CTSO: variants seen among roughly 807,000 people sequenced by gnomAD.
CTSO encodes the protein cathepsin O.
In CTSO, 40 loss-of-function variants were observed where a neutral mutation model predicts 42.4. That is an observed-to-expected ratio of 0.94 (90% CI 0.73 to 1.23). The LOEUF is 1.23. CTSO is among the 50% of genes most tolerant of loss of function. The pLI is 0.00. For missense variants in CTSO, 441 were observed against 396.0 expected (o/e 1.11, Z -0.96); for synonymous variants, 156 against 146.2 (o/e 1.07, Z -0.48).
At position 155,953,743 on chromosome 4, in the gene CTSO, C is replaced by A. The variant is rs1320188501; in HGVS notation, c.105G>T (p.Arg35=). 6 of 1,279,450 alleles carry A rather than the reference C, an allele frequency of 4.7e-6. No homozygotes were observed. The highest frequency in any genetic ancestry group is 4.0e-5 in the Admixed American group (1 of 24,824). 79.3% of individuals were successfully genotyped at this position (1,279,450 alleles called of 1,614,324 possible). Residue 35 remains arginine (R), a synonymous_variant, in exon 1 of 8, where the codon CGG becomes CGT. Transcript: ENST00000433477. ...SRAPFTPTWP[R]SREREAAAFR... ...AGGCGGCGGCTTCACGCTCGCGGCTCCGCGGCCAGGTCGGGGTGAAGGGGG... is the reference window on the plus strand; with the variant it reads ...AGGCGGCGGCTTCACGCTCGCGGCTACGCGGCCAGGTCGGGGTGAAGGGGG...
At chr4:155,943,509 C>T (rs1231234849) in intron 1 of CTSO, among the ~76,000 whole-genome samples, 1 of 152,126 alleles carries the variant, frequency 6.6e-6, no homozygotes, top group Non-Finnish European at 1.5e-5. Flanking sequence ...AATTCCCCAT[C>T]ACCAGGTTTG....
intron 3 of CTSO, 129 bp downstream of exon 3, chr4:155,942,188 C>T (rs932859481): frequency 3.0e-5 from 21 of 711,328 alleles, no homozygotes; most frequent in Non-Finnish European, 4.1e-5. Flanking sequence ...TTTTCATTGT[C>T]ATTTTTGGAT....
At chr4:155,936,412 G>T (rs1743332572) in intron 5 of CTSO, among the ~76,000 whole-genome samples, 1 of 152,154 alleles carries the variant, frequency 6.6e-6, no homozygotes, top group South Asian at 2.1e-4. Flanking sequence ...GATACCATCT[G>T]GATCAAGGGA....
chr4:155,953,198 T>C (rs145602324), intron 1 of CTSO, among the ~76,000 whole-genome samples: 1 of 152,064 alleles, frequency 6.6e-6, no homozygotes, highest in Non-Finnish European at 1.5e-5. Context: ...AGGAGAATCA[T>C]AAACCATCAG....
intron 1 of CTSO, among the ~76,000 whole-genome samples, chr4:155,944,316 C>T (rs1268282073): frequency 6.6e-6 from 1 of 152,044 alleles, no homozygotes; most frequent in East Asian, 1.9e-4. Flanking sequence ...AGGAAGATTG[C>T]TAATCAACAA....
rs552325287 is a variant in CTSO at position 155,947,958 on chromosome 4, T to C, written c.136-4694A>G. Among the ~76,000 whole-genome samples the C allele has an allele frequency of 5.3e-5, 8 of 152,338 alleles. No individual in the cohort carries two copies. In the South Asian group the frequency reaches 1.7e-3, roughly 32 times the overall value. On this transcript the variant is annotated intron_variant, in intron 1 of 7. Transcript: ENST00000433477. ...CATAGGAAACTTCTCATTGATACTT[T>C]TGAAAAGTGCAGATGTTTAAAAATT...
intron 1 of CTSO, among the ~76,000 whole-genome samples, chr4:155,945,470 A>G (rs1010237671): frequency 6.6e-6 from 1 of 152,218 alleles, no homozygotes; most frequent in African/African-American, 2.4e-5. Flanking sequence ...GAAAGGAGAA[A>G]TAGAAAACTT....
rs1364564669 is a variant in CTSO at position 155,942,369 on chromosome 4, C to A, written c.332G>T (p.Arg111Ile). 4 of 1,602,568 alleles carry A rather than the reference C, an allele frequency of 2.5e-6. No homozygotes were observed. The highest frequency in any genetic ancestry group is 1.7e-4 in the Middle Eastern group (1 of 6,028). ...AACCTGCTTGTCCCTCCAGTCAAATCTTAACGGCAAAGACACATTGGGGAT... is the reference window on the plus strand; with the variant it reads ...AACCTGCTTGTCCCTCCAGTCAAATATTAACGGCAAAGACACATTGGGGAT... ...MSIPNVSLPLRFDWRDKQVVT... is the reference protein window; with the variant it reads ...MSIPNVSLPLIFDWRDKQVVT... The change falls in exon 3 of 8, where the codon AGA becomes ATA. Residue 111 changes from arginine (R) to isoleucine (I), a missense_variant. Transcript: ENST00000433477.
At chr4:155,953,437 A>G (rs1743712731) in intron 1 of CTSO, among the ~76,000 whole-genome samples, 1 of 152,300 alleles carries the variant, frequency 6.6e-6, no homozygotes, top group African/African-American at 2.4e-5. Context: ...GTATCTATGG[A>G]TTTATTTGGG....
In CTSO at chr4:155,953,796, G is replaced by C. The variant is rs1011294433; in HGVS notation, c.52C>G (p.Arg18Gly). 2.2e-6 allele frequency: 3 copies of C among 1,351,112 alleles called. No homozygotes were observed. Among genetic ancestry groups the C allele is most frequent in the African/African-American group, 1.5e-5 (1 of 66,446 alleles). 83.7% of individuals were successfully genotyped at this position (1,351,112 alleles called of 1,614,324 possible). The change falls in exon 1 of 8, where the codon CGG (arginine) becomes GGG (glycine). Residue 18 changes from arginine (R) to glycine (G), a missense_variant. By Grantham distance (125) the Arg-to-Gly change is moderately radical. Coordinates refer to ENST00000433477, the MANE Select transcript of CTSO (RefSeq NM_001334.3). ...CGGGAGTCCGCATCGCCGCCGCCCC[G>C]GCACAGCAGCCACAGCAGCCACGGC... The part of the protein sequence containing the change: ...WLPWLLWLLC[R>G]GGGDADSRAP...
Position 155,926,062 on chromosome 4 carries a change from C to G in CTSO, c.940G>C (p.Asp314His). ...KMGSNVCGIA[D>H]SVSSIFV ...CACACAAATATAGAAGAAACGGAAT[C>G]TGCAATACCTAAGGGAAAAAAAAGG... is the stretch of plus-strand genomic sequence containing the variant. Residue 314 changes from aspartate (D) to histidine (H), a missense_variant, in exon 8 of 8, where the codon GAT becomes CAT. Coordinates refer to ENST00000433477, the MANE Select transcript of CTSO (RefSeq NM_001334.3). 2 of 1,564,194 alleles carry G rather than the reference C, an allele frequency of 1.3e-6. No homozygotes were observed. The highest frequency in any genetic ancestry group is 8.6e-7 in the Non-Finnish European group (1 of 1,157,272).
Position 155,925,918 on chromosome 4 carries a change from T to C in CTSO, c.*118A>G, listed in dbSNP as rs1398481911. 1.2e-6 allele frequency: 1 copy of C among 864,206 alleles called. No individual in the cohort carries two copies. Among genetic ancestry groups the C allele is most frequent in the East Asian group, 2.7e-5 (1 of 37,138 alleles). 53.5% of individuals were successfully genotyped at this position (864,206 alleles called of 1,614,324 possible). A position where few individuals can be genotyped will look rare whatever the true frequency, so the allele number is the denominator to read the frequency against. On this transcript the variant is annotated 3_prime_UTR_variant, in exon 8 of 8. Coordinates refer to ENST00000433477, the MANE Select transcript of CTSO (RefSeq NM_001334.3). ...ACTTAGTTTAAATACTACTAGGCCT[T>C]AGAATCTTTTGTAGGTAGTTGCTGA...
chr4:155,939,377 T>G lies in CTSO; in HGVS notation c.546A>C (p.Leu182Phe). ...AGGTTGAGAGACTAGTCACCTTGTT[T>G]AACCAGTTCAAAGCATTGAGAGTAG... Reference protein sequence around the residue: ...GGSTLNALNWLNKMQVKLVKD... With the variant: ...GGSTLNALNWFNKMQVKLVKD... The change falls in exon 4 of 8, where the codon TTA (leucine) becomes TTC (phenylalanine). Residue 182 changes from leucine to phenylalanine, a missense_variant. Physicochemically the swap from Leu to Phe is conservative, Grantham distance 22. Transcript: ENST00000433477. 6.2e-7 allele frequency: 1 copy of G among 1,607,158 alleles called. No homozygotes were observed. Among genetic ancestry groups the G allele is most frequent in the South Asian group, 1.1e-5 (1 of 90,198 alleles).
chr4:155,928,442 TAA>T lies in CTSO; in HGVS notation c.839-16_839-15del. 1 of 1,566,278 alleles carries T rather than the reference TAA, an allele frequency of 6.4e-7. No homozygotes were observed. On this transcript the variant is annotated splice_polypyrimidine_tract_variant and intron_variant, in intron 6 of 7. Coordinates refer to ENST00000433477, the MANE Select transcript of CTSO (RefSeq NM_001334.3). Reference sequence around the variant, plus strand: ...ATGGAGTGCTTCCTACAGTGAAACATAAATAGTAACAAATCCTGAAAACTCAA... The same window carrying T: ...ATGGAGTGCTTCCTACAGTGAAACATATAGTAACAAATCCTGAAAACTCAA...
chr4:155,937,603 T>C, intron 4 of CTSO, 120 bp from the exon 5 acceptor site: 2 of 953,280 alleles, frequency 2.1e-6, no homozygotes. Flanking sequence ...GGATATACTT[T>C]GCGTTCTTTT....
At chr4:155,934,637 G>C in intron 5 of CTSO, among the ~76,000 whole-genome samples, 1 of 152,206 alleles carries the variant, frequency 6.6e-6, no homozygotes, top group Non-Finnish European at 1.5e-5. Context: ...TTGGATGTGA[G>C]ATCTGGAGTC....
rs1743199622 is a variant in CTSO, at chr4:155,929,714, A to AGAG, written c.675-12_675-10dup. On this transcript the variant is annotated splice_polypyrimidine_tract_variant and intron_variant, in intron 5 of 7. Transcript: ENST00000433477. ...TTTCATCTTCTTGGTCACTACCAAA[A>AGAG]GAGGAAATATTTGGTTAGAAAATTT... is the stretch of plus-strand genomic sequence containing the variant. 6.2e-7 allele frequency: 1 copy of AGAG among 1,601,290 alleles called. No individual in the cohort carries two copies. The highest frequency in any genetic ancestry group is 1.7e-5 in the Admixed American group (1 of 57,208).
chr4:155,925,846 C>A lies in CTSO; in HGVS notation c.*190G>T. ...CAGGCTTCTGTGCTGGAGTTTGTCC[C>A]ACTGACTTTGGTTGTCCATCTCTCT... On this transcript the variant is annotated 3_prime_UTR_variant, in exon 8 of 8. Coordinates refer to ENST00000433477, the MANE Select transcript of CTSO (RefSeq NM_001334.3). 1.8e-6 allele frequency: 1 copy of A among 570,158 alleles called. No homozygotes were observed. The highest frequency in any genetic ancestry group is 2.5e-5 in the South Asian group (1 of 40,420). The allele number at this position is 570,158 out of a possible 1,614,324, so 35.3% of individuals were successfully genotyped here.
chr4:155,946,226 T>C (rs1452028504), intron 1 of CTSO, among the ~76,000 whole-genome samples: 6 of 152,186 alleles, frequency 3.9e-5, no homozygotes, highest in Non-Finnish European at 7.4e-5. Flanking sequence ...AAATGCCAGA[T>C]GAAACAAACT....
Sources: gnomAD v4.1 joint callset for allele counts (sites outside exome capture counted in the v4.1 genomes callset) on GRCh38, gnomAD v4.1.1 for gene constraint, MANE v1.5 for transcripts, NCBI Gene and HGNC (gene_info 2026-07-23, HGNC 2026-07-21) for gene names.